Variants in SLC28A3 observed in about 807,000 individuals in gnomAD.
The protein encoded by SLC28A3 is concentrative Na(+)-nucleoside cotransporter 3.
In SLC28A3, 68 loss-of-function variants were observed where a neutral mutation model predicts 84.2. The ratio of observed to expected loss-of-function variants is 0.81; its 90% CI spans 0.66 to 0.99. SLC28A3 has a LOEUF of 0.99. Ranked by LOEUF, SLC28A3 falls within the 50% of genes least tolerant of loss-of-function variation. The pLI, the probability that SLC28A3 is intolerant of heterozygous loss-of-function variation, is 0.00. For synonymous variants in SLC28A3, 267 were observed against 303.6 expected, an observed-to-expected ratio of 0.88 and a Z score of 1.25; for missense variants, 712 against 841.5, an observed-to-expected ratio of 0.85 and a Z score of 1.90.
At chr9:84,343,651 A>G (rs12335486), upstream of SLC28A3, among the ~76,000 whole-genome samples, 8,944 of 152,294 alleles carry the variant, frequency 0.059, 516 homozygotes, top group East Asian at 0.2. Flanking sequence ...ATTTCCTGAC[A>G]CATTAAAGTT....
Position 84,317,348 on chromosome 9 carries a change from G to A in SLC28A3, c.61-3894C>T, listed in dbSNP as rs546967428. Among the ~76,000 whole-genome samples the A allele has an allele frequency of 6.6e-5, 10 of 152,280 alleles. No homozygotes were observed. The East Asian group carries it at 1.9e-3, about 29-fold the overall frequency. ...TTATAGAAGTGTTGAAAGTTCCAGA[G>A]AAGCTTGTGGCCACTTTTAGCTACA... On this transcript the variant is annotated intron_variant, in intron 1 of 17. Coordinates refer to ENST00000376238, the MANE Select transcript of SLC28A3 (RefSeq NM_001199633.2).
In SLC28A3 at chr9:84,280,881, A is replaced by G; in HGVS notation, c.1649T>C (p.Ile550Thr). 1.2e-6 allele frequency: 2 copies of G among 1,614,104 alleles called. No individual in the cohort carries two copies. Among genetic ancestry groups the G allele is most frequent in the African/African-American group, 1.3e-5 (1 of 75,050 alleles). ...GTAAGTGGCGATTATCTCAGAACGA[A>G]TCTGTAAGCAAGCATAAACACATAT... ...FVNGVQQYIS[I>T]RSEIIATYAL... Residue 550 changes from isoleucine to threonine, a missense_variant and splice_region_variant, in exon 15 of 18, where the codon ATT (isoleucine) becomes ACT (threonine). Transcript: ENST00000376238.
the SLC28A3 span, among the ~76,000 whole-genome samples, chr9:84,359,056 C>T: frequency 6.6e-5 from 10 of 152,220 alleles, no homozygotes; most frequent in East Asian, 1.9e-4. Context: ...CGCCTGCCTC[C>T]GCCTCCTAAA....
At chr9:84,329,903 C>G (rs182651868) in intron 1 of SLC28A3, among the ~76,000 whole-genome samples, 5 of 151,422 alleles carry the variant, frequency 3.3e-5, no homozygotes, top group African/African-American at 7.3e-5. Flanking sequence ...TGAAAATATA[C>G]GAAAATTTAT....
chr9:84,367,969 C>T, the SLC28A3 span, among the ~76,000 whole-genome samples: 1 of 152,164 alleles, frequency 6.6e-6, no homozygotes, highest in African/African-American at 2.4e-5. Context: ...CTTATCTCAA[C>T]CGCAAAGAGG....
At chr9:84,351,203 T>G in the SLC28A3 span, among the ~76,000 whole-genome samples, 1 of 152,214 alleles carries the variant, frequency 6.6e-6, no homozygotes, top group Non-Finnish European at 1.5e-5. Flanking sequence ...CATATTAGTC[T>G]AGGCCTACAC....
chr9:84,352,208 G>C, the SLC28A3 span, among the ~76,000 whole-genome samples: 6 of 151,656 alleles, frequency 4.0e-5, no homozygotes, highest in African/African-American at 1.2e-4. Context: ...TTTTAAGACA[G>C]AGTCTCGCAC....
chr9:84,297,196 A>G (rs1482441398), intron 8 of SLC28A3, 25 bp downstream of exon 8: 1 of 1,590,038 alleles, frequency 6.3e-7, no homozygotes, highest in Admixed American at 1.8e-5. Context: ...AGCAGCGACT[A>G]CATAGAAAAA....
intron 14 of SLC28A3, among the ~76,000 whole-genome samples, chr9:84,282,099 A>G (rs1274220775): frequency 6.6e-6 from 1 of 152,192 alleles, no homozygotes; most frequent in Non-Finnish European, 1.5e-5. Context: ...CTGAGATCGC[A>G]CCGTTGCCCT....
At chr9:84,320,636 C>T (rs1206252952) in intron 1 of SLC28A3, among the ~76,000 whole-genome samples, 1 of 152,118 alleles carries the variant, frequency 6.6e-6, no homozygotes, top group Non-Finnish European at 1.5e-5. Flanking sequence ...TACTATGGGA[C>T]GGACACTGCT....
the SLC28A3 span, among the ~76,000 whole-genome samples, chr9:84,352,331 C>T: frequency 1.3e-5 from 2 of 151,846 alleles, no homozygotes; most frequent in Admixed American, 6.6e-5. Flanking sequence ...TTACAGGCAC[C>T]CGCCATCACA....
At chr9:84,279,472 T>TG in intron 16 of SLC28A3, 87 bp from the exon 17 acceptor site, 1 of 1,065,038 alleles carries the variant, frequency 9.4e-7, no homozygotes, top group Non-Finnish European at 1.2e-6. Context: ...GACAGAGTCT[T>TG]GCGCTTTTGC....
At chr9:84,308,102 T>C (rs924618822) in intron 3 of SLC28A3, among the ~76,000 whole-genome samples, 4 of 152,158 alleles carry the variant, frequency 2.6e-5, no homozygotes, top group African/African-American at 7.2e-5. Flanking sequence ...CTGATACATA[T>C]AACAAAGTTC....
At chr9:84,294,611 A>C (rs913316856) in intron 8 of SLC28A3, among the ~76,000 whole-genome samples, 1 of 152,196 alleles carries the variant, frequency 6.6e-6, no homozygotes, top group Non-Finnish European at 1.5e-5. Flanking sequence ...CTTCACCACT[A>C]GTTAGCAGAG....
intron 3 of SLC28A3, 112 bp downstream of exon 3, chr9:84,309,516 CT>C (rs111258950): frequency 0.034 from 23,494 of 699,826 alleles, 2,386 homozygotes; most frequent in East Asian, 0.29. Flanking sequence ...AAGTGAGACT[CT>C]TATCTCAAAA....
chr9:84,327,222 A>G (rs764000184), intron 1 of SLC28A3, among the ~76,000 whole-genome samples: 6 of 152,126 alleles, frequency 3.9e-5, no homozygotes. Flanking sequence ...GGTAAAAGGC[A>G]GTAGTGATGG....
In SLC28A3 at chr9:84,277,976, A is replaced by G; in HGVS notation, c.*242T>C. On this transcript the variant is annotated 3_prime_UTR_variant, in exon 18 of 18. Transcript: ENST00000376238. The stretch of plus-strand genomic sequence containing the variant: ...GAAAATCCCATTGAGACTGGAATCA[A>G]CAACACCTCACTTTGGGACATCATA... 2.1e-6 allele frequency: 1 copy of G among 485,616 alleles called. No individual in the cohort carries two copies. Among genetic ancestry groups the G allele is most frequent in the Non-Finnish European group, 3.6e-6 (1 of 274,628 alleles). The allele number at this position is 485,616 out of a possible 1,614,324, so 30.1% of individuals were successfully genotyped here.
intron 1 of SLC28A3, among the ~76,000 whole-genome samples, chr9:84,324,295 C>T (rs953484348): frequency 3.9e-5 from 6 of 152,118 alleles, no homozygotes; most frequent in African/African-American, 1.4e-4. Context: ...CAAATGTTTC[C>T]GAACAATGGA....
chr9:84,328,770 A>G (rs1007030832), intron 1 of SLC28A3, among the ~76,000 whole-genome samples: 1 of 151,804 alleles, frequency 6.6e-6, no homozygotes, highest in South Asian at 2.1e-4. Context: ...AAAAAACAGA[A>G]AACAAAAATT....
Sources: gnomAD v4.1 joint callset for allele counts (sites outside exome capture counted in the v4.1 genomes callset) on GRCh38, gnomAD v4.1.1 for gene constraint, MANE v1.5 for transcripts, NCBI Gene and HGNC (gene_info 2026-07-23, HGNC 2026-07-21) for gene names.